Variants in FAM149B1 observed in about 807,000 individuals in gnomAD.
The protein encoded by FAM149B1 is family with sequence similarity 149 member B1, also known as primary cilium assembly protein FAM149B1.
A neutral mutation model predicts 75.3 loss-of-function variants in FAM149B1; 56 were observed. The observed-to-expected ratio is 0.74, with a 90% CI of 0.60 to 0.93. The LOEUF is 0.93. FAM149B1 is among the 40% of genes least tolerant of loss of function. The pLI is 0.00. For missense variants in FAM149B1, 639 were observed against 708.4 expected (o/e 0.90, Z 1.11); for synonymous variants, 259 against 256.1 (o/e 1.01, Z -0.11).
chr10:73,200,556 A>G (rs1165667078), intron 5 of FAM149B1: 2 of 743,028 alleles, frequency 2.7e-6, no homozygotes, highest in East Asian at 8.2e-5. Flanking sequence ...TTTGTTTTGG[A>G]TGAAGCAGAT....
At position 73,241,199 on chromosome 10, in the gene FAM149B1, T is replaced by G. The variant is rs1004323464; in HGVS notation, c.*180T>G. Reference sequence around the variant, plus strand: ...ATAGCAGCCAAAAATGACATGAGTGTTGTTTCTATCTCCAGTTACTGTCTC... The same window carrying G: ...ATAGCAGCCAAAAATGACATGAGTGGTGTTTCTATCTCCAGTTACTGTCTC... On this transcript the variant is annotated 3_prime_UTR_variant, in exon 14 of 14. Coordinates refer to ENST00000242505, the MANE Select transcript of FAM149B1 (RefSeq NM_173348.2). 3.5e-6 allele frequency: 2 copies of G among 573,404 alleles called. No individual in the cohort carries two copies. The highest frequency in any genetic ancestry group is 3.9e-5 in the African/African-American group (2 of 51,724). The allele number at this position is 573,404 out of a possible 1,614,324, so 35.5% of individuals were successfully genotyped here.
Position 73,228,095 on chromosome 10 carries a change from T to G in FAM149B1, c.934T>G (p.Ser312Ala). The G allele has an allele frequency of 6.4e-7, 1 of 1,551,600 alleles. No homozygotes were observed. The highest frequency in any genetic ancestry group is 8.7e-7 in the Non-Finnish European group (1 of 1,146,798). Residue 312 changes from serine (S) to alanine (A), a missense_variant, in exon 8 of 14, where the codon TCA (serine) becomes GCA (alanine). Ser to Ala is a moderately conservative substitution (Grantham distance 99). Transcript: ENST00000242505. ...TAATGTTGCAGTTACCAGACCCGAT[T>G]CAGAAAGTTCCTGTGTGCTGAGTGA... ...ESNVAVTRPD[S>A]ESSCVLSELH...
At position 73,173,001 on chromosome 10, in the gene FAM149B1, C is replaced by G. The variant is rs143834403; in HGVS notation, c.48-1686C>G. 1.9e-3 allele frequency among the ~76,000 whole-genome samples: 289 copies of G among 152,040 alleles called. 3 individuals are homozygous for G. Among genetic ancestry groups the G allele is most frequent in the African/African-American group, 6.6e-3 (272 of 41,462 alleles). On this transcript the variant is annotated intron_variant, in intron 1 of 13. Transcript: ENST00000242505. The stretch of plus-strand genomic sequence containing the variant: ...AAGTGTGGTGGTGAGTACCTGTAGT[C>G]TCAGATACACAGGAGGCTGAGACAG...
intron 3 of FAM149B1, among the ~76,000 whole-genome samples, chr10:73,181,075 C>G (rs919015375): frequency 6.0e-5 from 9 of 150,790 alleles, no homozygotes; most frequent in Non-Finnish European, 1.3e-4. Context: ...GGCACGATCT[C>G]GGCTCACTGC....
At chr10:73,223,062 G>C (rs777054569) in intron 7 of FAM149B1, among the ~76,000 whole-genome samples, 1 of 152,150 alleles carries the variant, frequency 6.6e-6, no homozygotes, top group Admixed American at 6.5e-5. Context: ...TGAGACTGCA[G>C]TGAGCTATGA....
At chr10:73,230,343 T>C (rs2043657361) in intron 8 of FAM149B1, 79 bp from the exon 9 acceptor site, 4 of 768,476 alleles carry the variant, frequency 5.2e-6, no homozygotes, top group African/African-American at 1.7e-5. Flanking sequence ...ATTGGAAATA[T>C]TAACTTTTGG....
rs767987832 is a variant in FAM149B1, at chr10:73,233,101, C to G, written c.1290C>G (p.Ser430Arg). ...CACCACGAACTCTTCATCCGATCAG[C>G]ACGAGCCATTCATGTGCTGAAACAC... The part of the protein sequence containing the change: ...NPPPRTLHPI[S>R]TSHSCAETPR... Residue 430 changes from serine to arginine, a missense_variant, in exon 10 of 14, where the codon AGC (serine) becomes AGG (arginine). Physicochemically the swap from Ser to Arg is moderately radical, Grantham distance 110. Transcript: ENST00000242505. 1.0e-5 allele frequency: 16 copies of G among 1,551,722 alleles called. No individual in the cohort carries two copies. The highest frequency in any genetic ancestry group is 1.4e-5 in the Non-Finnish European group (16 of 1,147,006).
intron 5 of FAM149B1, among the ~76,000 whole-genome samples, chr10:73,206,312 G>A (rs1236979542): frequency 6.6e-6 from 1 of 152,210 alleles, no homozygotes; most frequent in Non-Finnish European, 1.5e-5. Flanking sequence ...CCTATGCTCA[G>A]ATGTGGGAGC....
At chr10:73,239,428 G>A in intron 13 of FAM149B1, 44 bp downstream of exon 13, 9 of 1,427,712 alleles carry the variant, frequency 6.3e-6, no homozygotes, top group Non-Finnish European at 8.7e-6. Context: ...GTGTGGTTGT[G>A]TTAAGACCCA....
chr10:73,222,505 C>A (rs2043441856), intron 7 of FAM149B1, among the ~76,000 whole-genome samples: 1 of 152,042 alleles, frequency 6.6e-6, no homozygotes, highest in Non-Finnish European at 1.5e-5. Flanking sequence ...GATGCCCCAC[C>A]CTCTGCAGAT....
intron 1 of FAM149B1, among the ~76,000 whole-genome samples, chr10:73,170,887 T>TA (rs1843681762): frequency 1.3e-5 from 2 of 152,128 alleles, no homozygotes; most frequent in Non-Finnish European, 1.5e-5. Flanking sequence ...TTCTGAAAGT[T>TA]AAAAAAAATC....
intron 3 of FAM149B1, among the ~76,000 whole-genome samples, chr10:73,182,068 C>A (rs1287514612): frequency 6.6e-6 from 1 of 151,960 alleles, no homozygotes; most frequent in African/African-American, 2.4e-5. Context: ...GCTACTTGTG[C>A]TCTTTTTTGG....
At position 73,216,892 on chromosome 10, in the gene FAM149B1, T is replaced by C. The variant is rs112934775; in HGVS notation, c.898+6454T>C. ...TACACCCATGAAACCATCACCACAA[T>C]CAATATAGTGAACATAACCATCACC... is the stretch of plus-strand genomic sequence containing the variant. On this transcript the variant is annotated intron_variant, in intron 7 of 13. Transcript: ENST00000242505. Among the ~76,000 whole-genome samples the C allele has an allele frequency of 1.6e-3, 250 of 152,294 alleles. 1 individual carries two copies. The highest frequency in any genetic ancestry group is 2.7e-3 in the Non-Finnish European group (187 of 68,024).
At chr10:73,190,973 C>T (rs2042668778) in intron 3 of FAM149B1, among the ~76,000 whole-genome samples, 1 of 152,170 alleles carries the variant, frequency 6.6e-6, no homozygotes, top group Non-Finnish European at 1.5e-5. Context: ...CCCCACTCAG[C>T]CTCCTGAGTT....
At position 73,244,020 on chromosome 10, in the gene FAM149B1, A is replaced by G. The variant is rs2043981264; in HGVS notation, c.*3001A>G. The G allele has an allele frequency of 7.9e-6, 8 of 1,018,552 alleles. 1 individual carries two copies. The South Asian group carries it at 1.0e-4, about 13-fold the overall frequency. 63.1% of individuals were successfully genotyped at this position (1,018,552 alleles called of 1,614,324 possible). ...AAAAGCAAATCTATAATTCTGTTTC[A>G]ATTTTATGAATATATGAATAGACAA... is the stretch of plus-strand genomic sequence containing the variant. On this transcript the variant is annotated 3_prime_UTR_variant, in exon 14 of 14. Coordinates refer to ENST00000242505, the MANE Select transcript of FAM149B1 (RefSeq NM_173348.2).
At chr10:73,188,621 C>T (rs1007543688) in intron 3 of FAM149B1, among the ~76,000 whole-genome samples, 4 of 151,852 alleles carry the variant, frequency 2.6e-5, no homozygotes, top group Non-Finnish European at 4.4e-5. Flanking sequence ...ACTCTGGAGG[C>T]TGAGGCAGAG....
intron 7 of FAM149B1, among the ~76,000 whole-genome samples, chr10:73,211,040 G>A (rs1276739886): frequency 6.6e-6 from 1 of 152,048 alleles, no homozygotes; most frequent in Non-Finnish European, 1.5e-5. Context: ...CACAAATTAA[G>A]GGCCCAGTCC....
intron 5 of FAM149B1, among the ~76,000 whole-genome samples, chr10:73,194,090 T>C (rs1030346456): frequency 6.6e-6 from 1 of 152,172 alleles, no homozygotes; most frequent in African/African-American, 2.4e-5. Flanking sequence ...AAACCATTCA[T>C]GAGGACAGAA....
chr10:73,230,753 G>A (rs912151158), intron 9 of FAM149B1: 11 of 426,260 alleles, frequency 2.6e-5, no homozygotes, highest in Non-Finnish European at 4.8e-5. Context: ...TGGCATTTTT[G>A]TAACTGAGTG....
Sources: allele counts gnomAD v4.1 joint callset (sites outside exome capture counted in the v4.1 genomes callset), GRCh38; gene constraint gnomAD v4.1.1; transcripts MANE v1.5; gene names NCBI Gene and HGNC (gene_info 2026-07-23, HGNC 2026-07-21).